Variants in HS2ST1 observed in about 807,000 individuals in gnomAD.
The protein encoded by HS2ST1 is 2-O-sulfotransferase.
Under a neutral mutation model 42.9 loss-of-function variants are expected in HS2ST1, and 18 were observed. The ratio of observed to expected loss-of-function variants is 0.42; its 90% confidence interval spans 0.29 to 0.62. The LOEUF is 0.62. Among genes scored for constraint, HS2ST1 ranks in the 20% least tolerant of loss-of-function variants. The probability of loss-of-function intolerance (pLI) is 0.21; values close to 1 mark genes in which losing one functional copy is unlikely to be tolerated. For missense variants in HS2ST1, 334 were observed against 433.8 expected (o/e 0.77, Z 2.04); for synonymous variants, 146 against 152.9 (o/e 0.95, Z 0.33).
chr1:86,964,845 A>ATTAGCAGCAATAATG (rs1647996540), intron 1 of HS2ST1, among the ~76,000 whole-genome samples: 2 of 152,174 alleles, frequency 1.3e-5, no homozygotes, highest in South Asian at 4.1e-4. Flanking sequence ...TTGTTTTGTG[A>ATTAGCAGCAATAATG]TTAGCAGCAA....
At chr1:86,968,873 T>G (rs1648146333) in intron 1 of HS2ST1, among the ~76,000 whole-genome samples, 1 of 152,262 alleles carries the variant, frequency 6.6e-6, no homozygotes. Flanking sequence ...TGTTGTAAAC[T>G]AATTTTATTC....
intron 1 of HS2ST1, among the ~76,000 whole-genome samples, chr1:87,033,837 C>T (rs1441953914): frequency 6.6e-6 from 1 of 152,188 alleles, no homozygotes; most frequent in African/African-American, 2.4e-5. Context: ...AGCCACCGCC[C>T]CCGGCCTTAA....
rs147616339 is a variant in HS2ST1, at chr1:86,938,773, G to A, written c.124+23613G>A. On this transcript the variant is annotated intron_variant, in intron 1 of 6. Coordinates refer to ENST00000370550, the MANE Select transcript of HS2ST1 (RefSeq NM_012262.4). The stretch of plus-strand genomic sequence containing the variant: ...ATAAGGAGTTTCAAATAATAATGTG[G>A]GTAACTGATTAGTATCCAACTAGTA... Among the ~76,000 whole-genome samples the A allele has an allele frequency of 3.0e-3, 459 of 152,200 alleles. 1 individual carries two copies. The highest frequency in any genetic ancestry group is 0.01 in the African/African-American group (425 of 41,546).
intron 1 of HS2ST1, among the ~76,000 whole-genome samples, chr1:86,950,298 G>C (rs147459192): frequency 5.6e-4 from 86 of 152,218 alleles, no homozygotes; most frequent in African/African-American, 1.9e-3. Flanking sequence ...TCATGTCTTG[G>C]ACCCTTCAAA....
chr1:87,076,190 A>G (rs1344006289), intron 2 of HS2ST1, among the ~76,000 whole-genome samples: 2 of 152,214 alleles, frequency 1.3e-5, no homozygotes, highest in African/African-American at 2.4e-5. Flanking sequence ...TGTCAGTATC[A>G]TAACAACCAA....
In HS2ST1 at chr1:86,976,721, T is replaced by TA. The variant is rs61660936; in HGVS notation, c.124+61561_124+61562insA. Among the ~76,000 whole-genome samples the TA allele has an allele frequency of 1.3e-4, 18 of 135,710 alleles. 2 individuals are homozygous for TA. Among genetic ancestry groups the TA allele is most frequent in the Admixed American group, 2.3e-4 (3 of 13,302 alleles). The allele number at this position is 135,710 out of a possible 152,430, so 89.0% of individuals were successfully genotyped here. A position where few individuals can be genotyped will look rare whatever the true frequency, so the allele number is the denominator to read the frequency against. On this transcript the variant is annotated intron_variant, in intron 1 of 6. Transcript: ENST00000370550. ...ATAAAATTGTATATATATATATATA[T>TA]TTTAAATGCCCAGTGTCTCCTGCTG...
At chr1:87,053,821 A>G (rs1277888750) in intron 1 of HS2ST1, among the ~76,000 whole-genome samples, 1 of 152,218 alleles carries the variant, frequency 6.6e-6, no homozygotes, top group Non-Finnish European at 1.5e-5. Flanking sequence ...TGTATTGCAC[A>G]TATGTTATAG....
intron 1 of HS2ST1, among the ~76,000 whole-genome samples, chr1:86,925,903 C>G (rs1660407087): frequency 1.3e-5 from 2 of 152,074 alleles, no homozygotes; most frequent in African/African-American, 4.8e-5. Flanking sequence ...GCCATATTTT[C>G]TTCTTTACGT....
At chr1:87,002,740 C>T (rs978594370) in intron 1 of HS2ST1, among the ~76,000 whole-genome samples, 2 of 151,992 alleles carry the variant, frequency 1.3e-5, no homozygotes, top group East Asian at 1.9e-4. Context: ...AAATTTTCCC[C>T]CCCGCTGACT....
chr1:86,952,421 A>G (rs112541799), intron 1 of HS2ST1, among the ~76,000 whole-genome samples: 3,574 of 152,090 alleles, frequency 0.023, 71 homozygotes, highest in African/African-American at 0.049. Flanking sequence ...TGTTTTTAGT[A>G]GAGATGGGGT....
intron 1 of HS2ST1, among the ~76,000 whole-genome samples, chr1:86,984,701 C>G (rs1648704518): frequency 6.6e-6 from 1 of 151,864 alleles, no homozygotes; most frequent in Non-Finnish European, 1.5e-5. Flanking sequence ...GCTTGGCCAA[C>G]ACAGTGAAAC....
intron 5 of HS2ST1, among the ~76,000 whole-genome samples, chr1:87,100,173 T>G (rs1285922121): frequency 1.3e-5 from 2 of 152,126 alleles, no homozygotes; most frequent in African/African-American, 4.8e-5. Flanking sequence ...TTGTGTGGGG[T>G]GAGGGCTGCA....
At chr1:87,026,785 T>A (rs1317453535) in intron 1 of HS2ST1, among the ~76,000 whole-genome samples, 1 of 151,680 alleles carries the variant, frequency 6.6e-6, no homozygotes, top group Non-Finnish European at 1.5e-5. Context: ...ATTACCAGCT[T>A]AAAAAAAGAA....
rs566601794 is a variant in HS2ST1, at chr1:87,039,819, C to G, written c.125-33115C>G. On this transcript the variant is annotated intron_variant, in intron 1 of 6. Coordinates refer to ENST00000370550, the MANE Select transcript of HS2ST1 (RefSeq NM_012262.4). ...AGATACCATACGTAAAGTTTCTAGACTAGGTGCCAAAGCATAGGAGTCGCT... is the reference window on the plus strand; with the variant it reads ...AGATACCATACGTAAAGTTTCTAGAGTAGGTGCCAAAGCATAGGAGTCGCT... 2.0e-5 allele frequency among the ~76,000 whole-genome samples: 3 copies of G among 152,222 alleles called. No individual in the cohort carries two copies. In the East Asian group the frequency reaches 5.8e-4, roughly 29 times the overall value.
intron 1 of HS2ST1, among the ~76,000 whole-genome samples, chr1:86,990,837 T>TATATATATATATATATATATATATA (rs56384402): frequency 1.7e-4 from 3 of 17,570 alleles, no homozygotes; most frequent in African/African-American, 1.6e-4. Flanking sequence ...TATATATATA[T>TATATATATATATATATATATATATA]TTTTTTTTTT....
chr1:86,959,670 A>C (rs1647774695), intron 1 of HS2ST1, among the ~76,000 whole-genome samples: 1 of 152,202 alleles, frequency 6.6e-6, no homozygotes, highest in African/African-American at 2.4e-5. Context: ...AAAAAAATAA[A>C]AGACTATAGC....
chr1:86,949,185 T>C (rs1445612485), intron 1 of HS2ST1, among the ~76,000 whole-genome samples: 2 of 152,188 alleles, frequency 1.3e-5, no homozygotes, highest in Non-Finnish European at 2.9e-5. Flanking sequence ...CTCAGCTCAC[T>C]ACAACCTCTG....
At chr1:87,103,718 G>A (rs568753592) in intron 6 of HS2ST1, 129 bp downstream of exon 6, 6 of 715,692 alleles carry the variant, frequency 8.4e-6, no homozygotes, top group Non-Finnish European at 1.3e-5. Context: ...CAGGTATCTT[G>A]TCGGTTTCTG....
intron 2 of HS2ST1, among the ~76,000 whole-genome samples, chr1:87,075,341 A>G (rs980542900): frequency 6.6e-6 from 1 of 151,670 alleles, no homozygotes; most frequent in Non-Finnish European, 1.5e-5. Flanking sequence ...TAATTTTTGT[A>G]TTTTTAGTAG....
Sources: allele counts gnomAD v4.1 joint callset (sites outside exome capture counted in the v4.1 genomes callset), GRCh38; gene constraint gnomAD v4.1.1; transcripts MANE v1.5; gene names NCBI Gene and HGNC (gene_info 2026-07-23, HGNC 2026-07-21).